CCDC7: variants seen among roughly 807,000 people sequenced by gnomAD.
CCDC7 encodes the protein coiled-coil domain-containing protein 7.
Under a neutral mutation model 196.9 loss-of-function variants are expected in CCDC7, and 183 were observed. That is an observed-to-expected ratio of 0.93 (90% CI 0.82 to 1.05). The LOEUF (loss-of-function observed/expected upper bound fraction) is 1.05, where lower values mean the gene tolerates loss of function less well. CCDC7 is among the 50% of genes least tolerant of loss of function. The pLI is 0.00. For synonymous variants in CCDC7, 525 were observed against 484.6 expected (o/e 1.08, Z -1.10); for missense variants, 1,540 against 1,482.2 (o/e 1.04, Z -0.64).
chr10:32,533,167 C>T (rs1205826059), intron 11 of CCDC7, among the ~76,000 whole-genome samples: 1 of 150,880 alleles, frequency 6.6e-6, no homozygotes, highest in Non-Finnish European at 1.5e-5. Context: ...TTACAAAGAA[C>T]ATTGTATAGA....
At chr10:32,619,771 A>T (rs1591155) in intron 18 of CCDC7, among the ~76,000 whole-genome samples, 20,929 of 151,288 alleles carry the variant, frequency 0.14, 1,748 homozygotes, top group East Asian at 0.25. Flanking sequence ...TTTAAAAAAA[A>T]TTTTTTTTGT....
intron 18 of CCDC7, among the ~76,000 whole-genome samples, chr10:32,585,004 AT>A (rs2059116231): frequency 6.6e-6 from 1 of 151,658 alleles, no homozygotes; most frequent in African/African-American, 2.4e-5. Flanking sequence ...AAGCAAAGAT[AT>A]TTTTTTCTTC....
intron 28 of CCDC7, among the ~76,000 whole-genome samples, chr10:32,770,825 T>G (rs1203144896): frequency 6.6e-6 from 1 of 152,198 alleles, no homozygotes; most frequent in Non-Finnish European, 1.5e-5. Flanking sequence ...CTTTTTATCA[T>G]TATGTACTGA....
intron 29 of CCDC7, among the ~76,000 whole-genome samples, chr10:32,800,268 T>A (rs1236303050): frequency 6.6e-6 from 1 of 152,198 alleles, no homozygotes; most frequent in Non-Finnish European, 1.5e-5. Flanking sequence ...TTTTGATGTA[T>A]GATATTTCTA....
intron 11 of CCDC7, among the ~76,000 whole-genome samples, chr10:32,522,941 T>A (rs991891605): frequency 6.6e-6 from 1 of 152,194 alleles, no homozygotes; most frequent in Admixed American, 6.5e-5. Context: ...GGAGCATATT[T>A]TTTAATTTCC....
At chr10:32,445,085 C>T (rs2030651776), upstream of CCDC7, among the ~76,000 whole-genome samples, 1 of 152,106 alleles carries the variant, frequency 6.6e-6, no homozygotes. Context: ...AACTCCTGAC[C>T]TCGAGTGATG....
chr10:32,460,603 G>A (rs111645662), intron 3 of CCDC7, among the ~76,000 whole-genome samples: 27 of 138,300 alleles, frequency 2.0e-4, no homozygotes, highest in African/African-American at 6.8e-4. Context: ...TTATTCCTAG[G>A]TATAATGTGC....
intron 9 of CCDC7, among the ~76,000 whole-genome samples, chr10:32,501,663 G>A (rs987993941): frequency 1.3e-5 from 2 of 152,224 alleles, no homozygotes; most frequent in Non-Finnish European, 2.9e-5. Context: ...GGTATCACCA[G>A]CAGAGGCTGT....
chr10:32,810,436 A>G lies in CCDC7; in HGVS notation c.3098-3934A>G, dbSNP rs577560278. Among the ~76,000 whole-genome samples, 7 of 152,278 alleles carry G rather than the reference A, an allele frequency of 4.6e-5. No homozygotes were observed. The East Asian group carries it at 1.3e-3, about 29-fold the overall frequency. The stretch of plus-strand genomic sequence containing the variant: ...AAAGAGATAAGGATAATTATTATAT[A>G]ATGATAAAAGGATCAATTCAGAAAG... On this transcript the variant is annotated intron_variant, in intron 30 of 41. Transcript: ENST00000639629.
At chr10:32,627,034 GTTT>G (rs34388762) in intron 18 of CCDC7, among the ~76,000 whole-genome samples, 4 of 145,924 alleles carry the variant, frequency 2.7e-5, no homozygotes, top group South Asian at 4.3e-4. Flanking sequence ...GGCTATTCAG[GTTT>G]TTTTTTTTTT....
intron 31 of CCDC7, among the ~76,000 whole-genome samples, chr10:32,823,281 T>A (rs2090568683): frequency 6.6e-6 from 1 of 152,042 alleles, no homozygotes; most frequent in South Asian, 2.1e-4. Flanking sequence ...TAGCTGGGAC[T>A]AAGGCGCACG....
chr10:32,618,973 AT>A lies in CCDC7; in HGVS notation c.1802-15278del, dbSNP rs1445236190. Among the ~76,000 whole-genome samples the A allele has an allele frequency of 5.3e-5, 8 of 152,082 alleles. No homozygotes were observed. The South Asian group carries it at 1.7e-3, about 32-fold the overall frequency. ...ATCTTTATTTTTATCTGACTGGATT[AT>A]TTCAAAAGACCTTTCTTCAAGTTCT... On this transcript the variant is annotated intron_variant, in intron 18 of 41. Transcript: ENST00000639629.
intron 24 of CCDC7, among the ~76,000 whole-genome samples, chr10:32,702,706 G>A (rs898417966): frequency 5.3e-5 from 8 of 152,128 alleles, no homozygotes; most frequent in Non-Finnish European, 1.2e-4. Flanking sequence ...GGGTGCTCCT[G>A]TATTGGGTGC....
At chr10:32,608,837 G>A (rs2061801320) in intron 18 of CCDC7, among the ~76,000 whole-genome samples, 1 of 152,204 alleles carries the variant, frequency 6.6e-6, no homozygotes, top group Non-Finnish European at 1.5e-5. Context: ...CACCATGCCT[G>A]TCATGCCTTG....
At chr10:32,462,383 C>T in intron 3 of CCDC7, among the ~76,000 whole-genome samples, 1 of 152,136 alleles carries the variant, frequency 6.6e-6, no homozygotes, top group Admixed American at 6.5e-5. Flanking sequence ...TATGAGTGCA[C>T]CGCTGCACTC....
chr10:32,837,106 G>A (rs1248714748), intron 33 of CCDC7, among the ~76,000 whole-genome samples: 2 of 152,102 alleles, frequency 1.3e-5, no homozygotes, highest in Non-Finnish European at 2.9e-5. Context: ...CTTCTGCACA[G>A]CAAAAGAAAC....
At chr10:32,856,657 AT>A (rs1009099405) in intron 41 of CCDC7, among the ~76,000 whole-genome samples, 9 of 152,122 alleles carry the variant, frequency 5.9e-5, no homozygotes, top group Non-Finnish European at 5.9e-5. Flanking sequence ...GCTGTGTCCC[AT>A]TACTCCAGGG....
chr10:32,759,808 A>T (rs1038676714), intron 28 of CCDC7, among the ~76,000 whole-genome samples: 2 of 152,188 alleles, frequency 1.3e-5, no homozygotes, highest in African/African-American at 2.4e-5. Context: ...TGAACAGGCA[A>T]CCTACAGAAT....
intron 8 of CCDC7, among the ~76,000 whole-genome samples, chr10:32,490,112 G>C (rs1362217272): frequency 6.6e-6 from 1 of 152,118 alleles, no homozygotes; most frequent in Non-Finnish European, 1.5e-5. Context: ...CTCATTCCTT[G>C]CTGTCTCCAG....
Sources: gnomAD v4.1 joint callset for allele counts (sites outside exome capture counted in the v4.1 genomes callset) on GRCh38, gnomAD v4.1.1 for gene constraint, MANE v1.5 for transcripts, NCBI Gene and HGNC (gene_info 2026-07-23, HGNC 2026-07-21) for gene names.